The following HAP1 variants were observed in gnomAD, a reference collection of about 807,000 sequenced individuals.
The protein encoded by HAP1 is huntingtin-associated protein 1.
HAP1 carries 59 observed loss-of-function variants against 60.3 expected under a neutral mutation model. That is an observed-to-expected ratio of 0.98 (90% CI 0.79 to 1.22). HAP1 has a LOEUF of 1.22. Ranked by LOEUF, HAP1 falls within the 50% of genes most tolerant of loss-of-function variation. HAP1 has a pLI of 0.00. For synonymous variants in HAP1, 346 were observed against 330.6 expected (o/e 1.05, Z -0.50); for missense variants, 825 against 785.3 (o/e 1.05, Z -0.60).
rs554411426 is a variant in HAP1 at position 41,729,278 on chromosome 17, A to G, written c.1070-947T>C. Among the ~76,000 whole-genome samples, 13 of 150,022 alleles carry G rather than the reference A, an allele frequency of 8.7e-5. No individual in the cohort carries two copies. The East Asian group carries it at 2.7e-3, about 31-fold the overall frequency. ...AGAAATGAGGTCTTGGGACAGGCACAGTGGCTCATGCCTGTAATCTCAGCG... is the reference window on the plus strand; with the variant it reads ...AGAAATGAGGTCTTGGGACAGGCACGGTGGCTCATGCCTGTAATCTCAGCG... On this transcript the variant is annotated intron_variant, in intron 6 of 10. Transcript: ENST00000347901.
At position 41,731,730 on chromosome 17, in the gene HAP1, C is replaced by T. The variant is rs1354949296; in HGVS notation, c.910G>A (p.Ala304Thr). The change falls in exon 5 of 11, where the codon GCA becomes ACA. Residue 304 changes from alanine (A) to threonine (T), a missense_variant. By Grantham distance (58) the Ala-to-Thr change is moderately conservative (BLOSUM62 0). Transcript: ENST00000347901. ...CDAPKLISQEALLHQHHCPQL... is the reference protein window; with the variant it reads ...CDAPKLISQETLLHQHHCPQL... Reference sequence around the variant, plus strand: ...GGGCAGTGGTGCTGGTGCAGCAATGCCTCCTGCGAAATCCTAGGGGAGGGA... The same window carrying T: ...GGGCAGTGGTGCTGGTGCAGCAATGTCTCCTGCGAAATCCTAGGGGAGGGA... 4 of 1,612,978 alleles carry T rather than the reference C, an allele frequency of 2.5e-6. No individual in the cohort carries two copies. The highest frequency in any genetic ancestry group is 3.4e-6 in the Non-Finnish European group (4 of 1,179,158).
rs1597747928 is a variant in HAP1, at chr17:41,732,126, G to A, written c.715-8C>T. On this transcript the variant is annotated splice_region_variant and splice_polypyrimidine_tract_variant and intron_variant, in intron 3 of 10. Coordinates refer to ENST00000347901, the MANE Select transcript of HAP1 (RefSeq NM_177977.3). Reference sequence around the variant, plus strand: ...GTGTCTGAGGTATAAAATCTGGCAGGAAGAGAGAGGAGCCATGGGTTGGGA... The same window carrying A: ...GTGTCTGAGGTATAAAATCTGGCAGAAAGAGAGAGGAGCCATGGGTTGGGA... 2 of 1,613,638 alleles carry A rather than the reference G, an allele frequency of 1.2e-6. No individual in the cohort carries two copies. Among genetic ancestry groups the A allele is most frequent in the East Asian group, 4.5e-5 (2 of 44,886 alleles).
chr17:41,724,481 G>T lies in HAP1; in HGVS notation c.*220C>A. Reference sequence around the variant, plus strand: ...AGCTGAGGCGCAGTGTGGGGGCACAGTCCCAGCCCTAACCCCCAGCCCAGC... The same window carrying T: ...AGCTGAGGCGCAGTGTGGGGGCACATTCCCAGCCCTAACCCCCAGCCCAGC... On this transcript the variant is annotated 3_prime_UTR_variant, in exon 11 of 11. Transcript: ENST00000347901. 1 of 579,406 alleles carries T rather than the reference G, an allele frequency of 1.7e-6. No individual in the cohort carries two copies. 35.9% of individuals were successfully genotyped at this position (579,406 alleles called of 1,614,324 possible). A position where few individuals can be genotyped will look rare whatever the true frequency, so the allele number is the denominator to read the frequency against.
intron 2 of HAP1, 60 bp downstream of exon 2, chr17:41,732,659 C>G (rs1912311511): frequency 7.2e-7 from 1 of 1,381,868 alleles, no homozygotes; most frequent in South Asian, 1.2e-5. Context: ...AACAAGACCC[C>G]CACCCCTACA....
Position 41,724,399 on chromosome 17 carries a change from T to C in HAP1, c.*302A>G. 8.0e-6 allele frequency: 2 copies of C among 251,418 alleles called. No homozygotes were observed. Among genetic ancestry groups the C allele is most frequent in the Non-Finnish European group, 1.6e-5 (2 of 128,656 alleles). The allele number at this position is 251,418 out of a possible 1,614,324, so 15.6% of individuals were successfully genotyped here. On this transcript the variant is annotated 3_prime_UTR_variant, in exon 11 of 11. Transcript: ENST00000347901. ...GCCACTGCTGCAGAGTTGGAGAGCC[T>C]GGGGGATAGAGGAGGCAGGGGTTGG...
In HAP1 at chr17:41,734,420, G is replaced by C. The variant is rs1340420676; in HGVS notation, c.215C>G (p.Ser72Trp). ...GGCTCCTGCCTTGGCTCCAGCCTCC[G>C]AGGCCGGGCGAGCTCCGGTGCGGGC... is the stretch of plus-strand genomic sequence containing the variant. Reference protein sequence around the residue: ...SEARTGARPASEAGAKAGARR... With the variant: ...SEARTGARPAWEAGAKAGARR... The change falls in exon 1 of 11, where the codon TCG becomes TGG. Residue 72 changes from serine to tryptophan, a missense_variant. Coordinates refer to ENST00000347901, the MANE Select transcript of HAP1 (RefSeq NM_177977.3). 2.5e-6 allele frequency: 4 copies of C among 1,608,192 alleles called. No homozygotes were observed. Among genetic ancestry groups the C allele is most frequent in the Non-Finnish European group, 3.4e-6 (4 of 1,176,284 alleles).
chr17:41,728,788 G>A (rs1473494958), intron 6 of HAP1, among the ~76,000 whole-genome samples: 1 of 152,178 alleles, frequency 6.6e-6, no homozygotes, highest in East Asian at 1.9e-4. Flanking sequence ...GAAAGGCCCA[G>A]AGGCCATCAT....
rs1555589996 is a variant in HAP1, at chr17:41,729,557, A to AAAAAAAAG, written c.1070-1227_1070-1226insCTTTTTTT. Among the ~76,000 whole-genome samples, 16 of 41,858 alleles carry AAAAAAAAG rather than the reference A, an allele frequency of 3.8e-4. 4 individuals carry two copies. Among genetic ancestry groups the AAAAAAAAG allele is most frequent in the African/African-American group, 1.3e-3 (16 of 12,768 alleles). The allele number at this position is 41,858 out of a possible 152,430, so 27.5% of individuals were successfully genotyped here. ...AGAGGGAGCCTCCTTCTCAAAAAAAAAAAAAAAAAAAAAAAAAAAAAAGGA... is the reference window on the plus strand; with the variant it reads ...AGAGGGAGCCTCCTTCTCAAAAAAAAAAAAAAAGAAAAAAAAAAAAAAAAAAAAAAGGA... On this transcript the variant is annotated intron_variant, in intron 6 of 10. Transcript: ENST00000347901.
chr17:41,724,746 G>T lies in HAP1; in HGVS notation c.1815C>A (p.Ala605=). The change falls in exon 11 of 11, where the codon GCC becomes GCA. Residue 605 remains alanine, a synonymous_variant. Transcript: ENST00000347901. ...AGCTTGTCCGGCTGGCGGCAGGGAG[G>T]GCCCCGTGGGGGCACTCACCTTTCT... ...MLQKGECPHG[A]LPAASRTSCR... 1.3e-6 allele frequency: 2 copies of T among 1,596,900 alleles called. No homozygotes were observed. Among genetic ancestry groups the T allele is most frequent in the Non-Finnish European group, 1.7e-6 (2 of 1,166,682 alleles).
rs1911479462 is a variant in HAP1, at chr17:41,724,796, GC to G, written c.1764del (p.Arg588SerfsTer4). 6.2e-7 allele frequency: 1 copy of G among 1,612,046 alleles called. No individual in the cohort carries two copies. Among genetic ancestry groups the G allele is most frequent in the Non-Finnish European group, 8.5e-7 (1 of 1,179,218 alleles). On this transcript the variant is annotated frameshift_variant, in exon 11 of 11. Transcript: ENST00000347901. LOFTEE classifies it low-confidence loss of function (END_TRUNC). ...QLANWQDAHY[R>X]RQLRWKMLQK... ...TGGAGCATCTTCCACCTCAGCTGCCGCCTGTAATGGGCATCTTGCCAGTTGG... is the reference window on the plus strand; with the variant it reads ...TGGAGCATCTTCCACCTCAGCTGCCGCTGTAATGGGCATCTTGCCAGTTGG...
chr17:41,730,873 G>T (rs1912138989), intron 6 of HAP1, among the ~76,000 whole-genome samples: 1 of 151,506 alleles, frequency 6.6e-6, no homozygotes. Flanking sequence ...GCTCCCTCTT[G>T]CCTGCCCCAA....
In HAP1 at chr17:41,724,839, A is replaced by G; in HGVS notation, c.1722T>C (p.Tyr574=). Residue 574 remains tyrosine (Y), a synonymous_variant, in exon 11 of 11, where the codon TAT becomes TAC. Transcript: ENST00000347901. ...GCCAGTTGGCCAGCTGCTGGAGGAC[A>G]TAATTCATGTCCAGGTGTGAAGGGC... ...GLGPSHLDMN[Y]VLQQLANWQD... is the part of the protein sequence containing the mutation. 1 of 1,613,590 alleles carries G rather than the reference A, an allele frequency of 6.2e-7. No homozygotes were observed. Among genetic ancestry groups the G allele is most frequent in the Non-Finnish European group, 8.5e-7 (1 of 1,179,984 alleles).
rs782047383 is a variant in HAP1, at chr17:41,728,270, A to C, written c.1131T>G (p.Tyr377Ter). The C allele has an allele frequency of 2.5e-6, 4 of 1,613,328 alleles. No individual in the cohort carries two copies. In the South Asian group the frequency reaches 4.4e-5, roughly 18 times the overall value. Reference sequence around the variant, plus strand: ...GAGCGACCTCCTGCTGCTGCCGTTCATAGTTTTCCAGCCTGAGCACCAGCA... The same window carrying C: ...GAGCGACCTCCTGCTGCTGCCGTTCCTAGTTTTCCAGCCTGAGCACCAGCA... Reference protein sequence around the residue: ...SEVLVLRLENYERQQQEVARL... With the variant: ...SEVLVLRLEN The change falls in exon 7 of 11, where the codon TAT becomes TAG. Residue 377 changes from tyrosine (Y) to a stop codon, truncating the protein, a stop_gained. Transcript: ENST00000347901. LOFTEE classifies it high-confidence loss of function.
Position 41,724,425 on chromosome 17 carries a change from G to T in HAP1, c.*276C>A. The T allele has an allele frequency of 2.5e-6, 1 of 396,112 alleles. No individual in the cohort carries two copies. Among genetic ancestry groups the T allele is most frequent in the Admixed American group, 3.9e-5 (1 of 25,970 alleles). 24.5% of individuals were successfully genotyped at this position (396,112 alleles called of 1,614,324 possible). A position where few individuals can be genotyped will look rare whatever the true frequency, so the allele number is the denominator to read the frequency against. On this transcript the variant is annotated 3_prime_UTR_variant, in exon 11 of 11. Coordinates refer to ENST00000347901, the MANE Select transcript of HAP1 (RefSeq NM_177977.3). ...GGGGGATAGAGGAGGCAGGGGTTGG[G>T]GGCAGGGGAAGCAAGCGGGCAGAGA...
intron 10 of HAP1, 49 bp downstream of exon 10, chr17:41,725,810 G>C (rs41314650): frequency 0.014 from 20,278 of 1,469,576 alleles, 426 homozygotes; most frequent in African/African-American, 0.091. Flanking sequence ...GGGCTGTCTG[G>C]CTGCTGAAAG....
At chr17:41,731,840 C>T in intron 4 of HAP1, 97 bp from the exon 5 acceptor site, 1 of 941,002 alleles carries the variant, frequency 1.1e-6, no homozygotes, top group Non-Finnish European at 1.7e-6. Flanking sequence ...TTAGTTCCAG[C>T]AACCCTGCCA....
downstream of HAP1, among the ~76,000 whole-genome samples, chr17:41,719,076 T>A (rs1185105173): frequency 2.6e-5 from 4 of 152,130 alleles, no homozygotes; most frequent in Non-Finnish European, 5.9e-5. Flanking sequence ...CCTCCCAGGT[T>A]CAAGCGATTC....
Position 41,723,997 on chromosome 17 carries a change from G to A in HAP1, c.*704C>T, listed in dbSNP as rs149613202. On this transcript the variant is annotated 3_prime_UTR_variant, in exon 11 of 11. Transcript: ENST00000347901. The stretch of plus-strand genomic sequence containing the variant: ...ATGAGGCTGATGGGAGCTGATGCAC[G>A]TGCAATGGCTGCTGTGCATGAGTGT... The A allele has an allele frequency of 4.3e-3, 656 of 152,526 alleles. 1 individual carries two copies. The highest frequency in any genetic ancestry group is 7.5e-3 in the Non-Finnish European group (513 of 68,130). 9.4% of individuals were successfully genotyped at this position (152,526 alleles called of 1,614,324 possible).
intron 2 of HAP1, 113 bp from the exon 3 acceptor site, chr17:41,732,507 G>T: frequency 8.4e-7 from 1 of 1,189,692 alleles, no homozygotes; most frequent in Non-Finnish European, 1.2e-6. Context: ...TGTGGAACCT[G>T]GCTCAGTTTC....
Sources: allele counts gnomAD v4.1 joint callset (sites outside exome capture counted in the v4.1 genomes callset), GRCh38; gene constraint gnomAD v4.1.1; transcripts MANE v1.5; gene names NCBI Gene and HGNC (gene_info 2026-07-23, HGNC 2026-07-21).